SOX5: variants seen among roughly 807,000 people sequenced by gnomAD.
SOX5 encodes SRY-box transcription factor 5.
In SOX5, 9 loss-of-function variants were observed where a neutral mutation model predicts 92.0. The ratio of observed to expected loss-of-function variants is 0.10; its 90% CI spans 0.06 to 0.17. SOX5 has a LOEUF of 0.17. SOX5 is among the 10% of genes least tolerant of loss of function. SOX5 has a pLI of 1.00. For missense variants in SOX5, 642 were observed against 944.5 expected (o/e 0.68, Z 4.20); for synonymous variants, 344 against 336.3 (o/e 1.02, Z -0.25).
intron 4 of SOX5, among the ~76,000 whole-genome samples, chr12:24,041,220 G>C (rs1401347699): frequency 3.3e-5 from 5 of 152,138 alleles, no homozygotes; most frequent in African/African-American, 1.2e-4. Context: ...TATCTTTTGA[G>C]TCCTGAGTTT....
intron 2 of SOX5, among the ~76,000 whole-genome samples, chr12:23,857,427 A>G (rs1177895475): frequency 6.6e-6 from 1 of 152,224 alleles, no homozygotes; most frequent in Non-Finnish European, 1.5e-5. Context: ...ACTAGATTGT[A>G]GCAGTGGGAG....
In SOX5 at chr12:23,852,122, T is replaced by C. The variant is rs534243190; in HGVS notation, c.271-5929A>G. Among the ~76,000 whole-genome samples, 2 of 152,282 alleles carry C rather than the reference T, an allele frequency of 1.3e-5. 1 individual carries two copies. Among genetic ancestry groups the C allele is most frequent in the African/African-American group, 4.8e-5 (2 of 41,564 alleles). ...TATTTTGAATCCTTAGAAACATTTA[T>C]TCATCACAATATTAAAAATGGATAG... On this transcript the variant is annotated intron_variant, in intron 2 of 14. Coordinates refer to ENST00000451604, the MANE Select transcript of SOX5 (RefSeq NM_006940.6).
intron 1 of SOX5, among the ~76,000 whole-genome samples, chr12:24,413,025 G>T (rs1053642781): frequency 6.6e-6 from 1 of 152,180 alleles, no homozygotes; most frequent in Admixed American, 6.5e-5. Context: ...AAAGTGCTGG[G>T]ATTACAGGCT....
intron 13 of SOX5, among the ~76,000 whole-genome samples, chr12:23,540,257 C>T (rs1828273452): frequency 1.3e-5 from 2 of 151,410 alleles, no homozygotes; most frequent in African/African-American, 4.9e-5. Context: ...AGGAGATATA[C>T]CTAACGCTAA....
intron 3 of SOX5, among the ~76,000 whole-genome samples, chr12:23,802,413 T>G (rs2095677697): frequency 6.6e-6 from 1 of 152,022 alleles, no homozygotes; most frequent in Admixed American, 6.6e-5. Flanking sequence ...GAGACCCAAC[T>G]CAAAGTTTTA....
intron 1 of SOX5, among the ~76,000 whole-genome samples, chr12:24,420,090 C>A (rs1965687274): frequency 6.6e-6 from 1 of 152,226 alleles, no homozygotes; most frequent in Admixed American, 6.5e-5. Flanking sequence ...AGTAAAGCTT[C>A]TAACAGGCCT....
intron 2 of SOX5, among the ~76,000 whole-genome samples, chr12:24,278,555 T>A (rs1944773358): frequency 6.6e-6 from 1 of 151,790 alleles, no homozygotes; most frequent in Non-Finnish European, 1.5e-5. Context: ...TACAAAAAAT[T>A]TAAAAATTAG....
chr12:24,025,354 CA>C (rs1235793110), intron 4 of SOX5, among the ~76,000 whole-genome samples: 1 of 151,968 alleles, frequency 6.6e-6, no homozygotes, highest in Non-Finnish European at 1.5e-5. Context: ...TAAACTCATG[CA>C]AAAGGTTTGA....
intron 4 of SOX5, among the ~76,000 whole-genome samples, chr12:24,121,564 TAAC>T (rs1387826252): frequency 1.6e-3 from 227 of 142,460 alleles, no homozygotes; most frequent in Middle Eastern, 7.2e-3. Context: ...TACAAATGGC[TAAC>T]TTTTTTTTTT....
chr12:24,035,983 G>A (rs1263813803), intron 4 of SOX5, among the ~76,000 whole-genome samples: 2 of 151,980 alleles, frequency 1.3e-5, no homozygotes, highest in Non-Finnish European at 2.9e-5. Context: ...TCTTTTGTAA[G>A]GTGTGTGGGT....
At position 24,339,611 on chromosome 12, in the gene SOX5, A is replaced by G. The variant is rs533269060; in HGVS notation, c.-174+28952T>C. Among the ~76,000 whole-genome samples, 10 of 152,296 alleles carry G rather than the reference A, an allele frequency of 6.6e-5. No homozygotes were observed. In the South Asian group the frequency reaches 2.1e-3, roughly 32 times the overall value. ...GCATTTTTCAAAGATCACTGGAGAC[A>G]ATGGGGAAAACAACAAAGAAATGAT... On this transcript the variant is annotated intron_variant, in intron 2 of 4. Transcript: ENST00000446891.
chr12:23,833,694 T>G (rs1285370015), intron 3 of SOX5, among the ~76,000 whole-genome samples: 1 of 151,984 alleles, frequency 6.6e-6, no homozygotes, highest in Non-Finnish European at 1.5e-5. Context: ...AGGAGAATAT[T>G]TTAACCTCTA....
intron 1 of SOX5, among the ~76,000 whole-genome samples, chr12:23,924,363 ATC>A (rs1569023179): frequency 6.6e-6 from 1 of 152,142 alleles, no homozygotes; most frequent in African/African-American, 2.4e-5. Context: ...ACCAGACTTT[ATC>A]ATCAAGAAAT....
At chr12:23,555,325 C>T (rs1305149916) in intron 11 of SOX5, among the ~76,000 whole-genome samples, 2 of 152,048 alleles carry the variant, frequency 1.3e-5, no homozygotes, top group East Asian at 3.9e-4. Flanking sequence ...GTGGGTGTCT[C>T]TCTGAAAGCC....
chr12:24,402,864 T>C (rs1490089427), intron 1 of SOX5, among the ~76,000 whole-genome samples: 1 of 152,198 alleles, frequency 6.6e-6, no homozygotes, highest in Non-Finnish European at 1.5e-5. Context: ...AGCTTCTTGG[T>C]TTATCTGGCT....
At chr12:24,398,709 G>A (rs973314230) in intron 1 of SOX5, among the ~76,000 whole-genome samples, 5 of 152,208 alleles carry the variant, frequency 3.3e-5, no homozygotes, top group East Asian at 1.9e-4. Context: ...CCTGACAGGA[G>A]AGAACTTCTG....
intron 1 of SOX5, among the ~76,000 whole-genome samples, chr12:23,918,173 A>G (rs1293237150): frequency 6.6e-6 from 1 of 152,208 alleles, no homozygotes; most frequent in Non-Finnish European, 1.5e-5. Flanking sequence ...TATTATATGC[A>G]TGTTTTATGC....
chr12:23,932,780 ATCT>A (rs1941731287), intron 1 of SOX5, among the ~76,000 whole-genome samples: 1 of 151,660 alleles, frequency 6.6e-6, no homozygotes, highest in African/African-American at 2.4e-5. Flanking sequence ...AAAATCAAAA[ATCT>A]TCTTGGTTGA....
At chr12:24,428,755 A>AAAAAAAAAAAAAAAC (rs1967046189) in intron 1 of SOX5, among the ~76,000 whole-genome samples, 2 of 149,308 alleles carry the variant, frequency 1.3e-5, no homozygotes, top group Non-Finnish European at 1.5e-5. Flanking sequence ...AAAAAAAAAA[A>AAAAAAAAAAAAAAAC]AAAAGCTAAT....
Sources: allele counts gnomAD v4.1 joint callset (sites outside exome capture counted in the v4.1 genomes callset), GRCh38; gene constraint gnomAD v4.1.1; transcripts MANE v1.5; gene names NCBI Gene and HGNC (gene_info 2026-07-23, HGNC 2026-07-21).